Variants in TLN2 observed in about 807,000 individuals in gnomAD.
TLN2 encodes talin-2.
In TLN2, 118 loss-of-function variants were observed where a neutral mutation model predicts 294.7. That is an observed-to-expected ratio of 0.40 (90% CI 0.34 to 0.47). The LOEUF (loss-of-function observed/expected upper bound fraction) is 0.47. Ranked by LOEUF, TLN2 falls within the 20% of genes least tolerant of loss-of-function variation. The pLI is 0.84. For synonymous variants in TLN2, 1,431 were observed against 1,304.5 expected, an observed-to-expected ratio of 1.10 and a Z score of -2.09; for missense variants, 3,083 against 3,282.2, an observed-to-expected ratio of 0.94 and a Z score of 1.48.
At chr15:62,729,761 G>A (rs2060617913) in intron 28 of TLN2, among the ~76,000 whole-genome samples, 1 of 152,012 alleles carries the variant, frequency 6.6e-6, no homozygotes, top group South Asian at 2.1e-4. Context: ...CTGATATGTT[G>A]GGGTTCGAGT....
intron 1 of TLN2, among the ~76,000 whole-genome samples, chr15:62,510,943 T>C (rs1363624779): frequency 6.6e-6 from 1 of 152,250 alleles, no homozygotes; most frequent in Non-Finnish European, 1.5e-5. Flanking sequence ...ACACAAAGAT[T>C]GTCCTTTGGC....
intron 2 of TLN2, among the ~76,000 whole-genome samples, chr15:62,616,468 AC>A (rs1366595531): frequency 6.6e-6 from 1 of 152,046 alleles, no homozygotes; most frequent in Non-Finnish European, 1.5e-5. Flanking sequence ...TTGCCCTGTC[AC>A]CCAGTCAGGA....
At chr15:62,473,873 C>T (rs376802615) in intron 1 of TLN2, among the ~76,000 whole-genome samples, 11 of 152,150 alleles carry the variant, frequency 7.2e-5, no homozygotes, top group African/African-American at 2.7e-4. Flanking sequence ...GCAGGTGGAT[C>T]ACCTGAGGTC....
chr15:62,398,452 T>C (rs1336644035), intron 1 of TLN2, among the ~76,000 whole-genome samples: 1 of 152,150 alleles, frequency 6.6e-6, no homozygotes, highest in Non-Finnish European at 1.5e-5. Context: ...AGTGGGGTGC[T>C]GCTATAAAGA....
At chr15:62,669,097 A>G (rs2055081175) in intron 9 of TLN2, among the ~76,000 whole-genome samples, 1 of 152,248 alleles carries the variant, frequency 6.6e-6, no homozygotes, top group African/African-American at 2.4e-5. Context: ...AAAGACAACC[A>G]TGAAGCAATC....
intron 3 of TLN2, among the ~76,000 whole-genome samples, chr15:62,635,135 C>A (rs2050255236): frequency 6.6e-6 from 1 of 152,074 alleles, no homozygotes; most frequent in South Asian, 2.1e-4. Context: ...ATTTAACTAA[C>A]GCATAAATCA....
intron 1 of TLN2, among the ~76,000 whole-genome samples, chr15:62,446,737 A>G (rs909023110): frequency 2.6e-5 from 4 of 152,186 alleles, no homozygotes; most frequent in Admixed American, 1.3e-4. Context: ...AAATCAAACA[A>G]TGTATTCAGT....
At chr15:62,465,204 T>G (rs576085309) in intron 1 of TLN2, among the ~76,000 whole-genome samples, 1 of 151,544 alleles carries the variant, frequency 6.6e-6, no homozygotes, top group South Asian at 2.1e-4. Flanking sequence ...ATGTGCTGTT[T>G]CCTTTTAGCC....
chr15:62,433,964 G>A (rs889481038), intron 1 of TLN2, among the ~76,000 whole-genome samples: 1 of 152,048 alleles, frequency 6.6e-6, no homozygotes, highest in African/African-American at 2.4e-5. Flanking sequence ...ACTCCAGCCT[G>A]GGTGACAGAG....
At chr15:62,777,545 A>T (rs757410319) in intron 43 of TLN2, among the ~76,000 whole-genome samples, 4 of 151,388 alleles carry the variant, frequency 2.6e-5, no homozygotes, top group African/African-American at 9.7e-5. Flanking sequence ...AAAAAAAAAA[A>T]GTGATTCCCA....
chr15:62,658,081 AG>A (rs1412020187), intron 9 of TLN2, 183 bp downstream of exon 9: 80 of 524,170 alleles, frequency 1.5e-4, no homozygotes, highest in African/African-American at 1.2e-3. Flanking sequence ...AGAGAAATTC[AG>A]AAGTTTCTTT....
Position 62,761,677 on chromosome 15 carries a change from T to A in TLN2, c.4639-4T>A. On this transcript the variant is annotated splice_polypyrimidine_tract_variant and splice_region_variant and intron_variant, in intron 37 of 58. Transcript: ENST00000636159. ...GGCAGAATCTCCCTGTTTTCTCCCATCAGGCCCTGGATGGGGATTTCTCTG... is the reference window on the plus strand; with the variant it reads ...GGCAGAATCTCCCTGTTTTCTCCCAACAGGCCCTGGATGGGGATTTCTCTG... The A allele has an allele frequency of 6.2e-7, 1 of 1,614,156 alleles. No individual in the cohort carries two copies. Among genetic ancestry groups the A allele is most frequent in the African/African-American group, 1.3e-5 (1 of 75,068 alleles).
intron 5 of TLN2, among the ~76,000 whole-genome samples, 193 bp downstream of exon 5, chr15:62,650,374 T>C (rs575910269): frequency 1.4e-4 from 21 of 152,332 alleles, no homozygotes; most frequent in South Asian, 1.2e-3. Context: ...CATAGAAGGA[T>C]TGAAGCAGTT....
At chr15:62,644,606 C>T in intron 3 of TLN2, 1 of 456,112 alleles carries the variant, frequency 2.2e-6, no homozygotes, top group African/African-American at 2.0e-5. Context: ...GTCTGCTTCC[C>T]AGCTCTCTGA....
chr15:62,417,685 T>G (rs1385667571), intron 1 of TLN2, among the ~76,000 whole-genome samples: 2 of 152,202 alleles, frequency 1.3e-5, no homozygotes, highest in Admixed American at 1.3e-4. Context: ...TAAGAAAAGC[T>G]TCTCAGGGCT....
At chr15:62,601,808 T>A (rs1325014898) in intron 2 of TLN2, among the ~76,000 whole-genome samples, 10 of 152,216 alleles carry the variant, frequency 6.6e-5, no homozygotes, top group Non-Finnish European at 1.5e-4. Flanking sequence ...CCAAAAGAGA[T>A]CACTGAGACT....
chr15:62,770,818 A>C (rs1031511849), intron 41 of TLN2, 146 bp from the exon 42 acceptor site: 1 of 928,218 alleles, frequency 1.1e-6, no homozygotes, highest in Non-Finnish European at 1.5e-6. Flanking sequence ...ATTAGCAAGC[A>C]CTTTCAGCAG....
At position 62,481,755 on chromosome 15, in the gene TLN2, C is replaced by T. The variant is rs149179175; in HGVS notation, c.-238+91070C>T. On this transcript the variant is annotated intron_variant, in intron 1 of 58. Coordinates refer to ENST00000636159, the MANE Select transcript of TLN2 (RefSeq NM_015059.3). ...ATGTTTCTTGCTAATACAAATTTAT[C>T]CCATATTTAAAGACTACATATTATT... is the stretch of plus-strand genomic sequence containing the variant. 3.0e-3 allele frequency among the ~76,000 whole-genome samples: 448 copies of T among 151,270 alleles called. 4 individuals are homozygous for T. Among genetic ancestry groups the T allele is most frequent in the African/African-American group, 0.01 (429 of 41,282 alleles).
chr15:62,675,393 T>G, intron 11 of TLN2, 72 bp downstream of exon 11: 1 of 1,510,524 alleles, frequency 6.6e-7, no homozygotes, highest in East Asian at 2.3e-5. Context: ...CGTTTGCTGT[T>G]AAGCCTGGTT....
Sources: gnomAD v4.1 joint callset for allele counts (sites outside exome capture counted in the v4.1 genomes callset) on GRCh38, gnomAD v4.1.1 for gene constraint, MANE v1.5 for transcripts, NCBI Gene and HGNC (gene_info 2026-07-23, HGNC 2026-07-21) for gene names.